The following RCAN1 variants were observed in gnomAD, a reference collection of about 807,000 sequenced individuals.
The protein encoded by RCAN1 is regulator of calcineurin 1, also known as calcipressin-1.
RCAN1 carries 11 observed loss-of-function variants against 22.9 expected under a neutral mutation model. That is an observed-to-expected ratio of 0.48 (90% CI 0.30 to 0.79). RCAN1 has a LOEUF of 0.79. Among genes scored for constraint, RCAN1 ranks in the 30% least tolerant of loss-of-function variants. RCAN1 has a pLI of 0.06. For missense variants in RCAN1, 291 were observed against 337.8 expected (o/e 0.86, Z 1.09); for synonymous variants, 136 against 142.3 (o/e 0.96, Z 0.32).
At chr21:34,606,783 A>G (rs1412785704) in intron 1 of RCAN1, among the ~76,000 whole-genome samples, 2 of 152,196 alleles carry the variant, frequency 1.3e-5, no homozygotes, top group South Asian at 4.1e-4. Flanking sequence ...GTAGGGACAC[A>G]GGGAGAAGGG....
intron 1 of RCAN1, among the ~76,000 whole-genome samples, chr21:34,595,702 G>C (rs1988125559): frequency 1.3e-5 from 2 of 152,192 alleles, no homozygotes; most frequent in African/African-American, 4.8e-5. Context: ...GCAGATTCAG[G>C]CATGCACACT....
chr21:34,579,493 A>G (rs1190132104), intron 1 of RCAN1, among the ~76,000 whole-genome samples: 5 of 152,188 alleles, frequency 3.3e-5, no homozygotes, highest in Non-Finnish European at 7.4e-5. Context: ...AATAAGCTCT[A>G]TAGGTGATTC....
chr21:34,564,978 T>C (rs1986949808), intron 1 of RCAN1, among the ~76,000 whole-genome samples: 1 of 152,134 alleles, frequency 6.6e-6, no homozygotes, highest in Non-Finnish European at 1.5e-5. Context: ...GACAGTAGGA[T>C]TGCTTGGGCC....
At chr21:34,595,499 T>C (rs1988116643) in intron 1 of RCAN1, among the ~76,000 whole-genome samples, 1 of 152,140 alleles carries the variant, frequency 6.6e-6, no homozygotes, top group Non-Finnish European at 1.5e-5. Context: ...CTGCTAAGAG[T>C]GTACAGACCC....
chr21:34,533,150 T>C (rs6517242), intron 1 of RCAN1, among the ~76,000 whole-genome samples: 88,755 of 150,864 alleles, frequency 0.59, 27,494 homozygotes, highest in African/African-American at 0.79. Flanking sequence ...TTAGTAGAGA[T>C]GGGGTTTCAC....
intron 1 of RCAN1, among the ~76,000 whole-genome samples, chr21:34,602,210 A>C (rs1233540824): frequency 6.6e-6 from 1 of 152,166 alleles, no homozygotes; most frequent in East Asian, 1.9e-4. Context: ...AAAGCTGAAG[A>C]TGCTCAGAAT....
intron 1 of RCAN1, among the ~76,000 whole-genome samples, chr21:34,594,509 G>A (rs778940135): frequency 6.6e-5 from 10 of 152,106 alleles, no homozygotes; most frequent in Non-Finnish European, 1.0e-4. Flanking sequence ...CCAAGATCGC[G>A]CCACTGCACT....
In RCAN1 at chr21:34,614,803, G is replaced by A. The variant is rs759643998; in HGVS notation, c.209C>T (p.Ala70Val). The change falls in exon 1 of 4, where the codon GCC becomes GTC. Residue 70 changes from alanine to valine, a missense_variant. Transcript: ENST00000313806. This position sits in a 1 kb window ranked among gnomAD's most constrained non-coding sequence, Gnocchi z 6.0. ...GAACACGCGCGGGTCCAGGTGACAG[G>A]CGATGGTGGCGCTGGGCAGGTCCTG... ...DLQDLPSATI[A>V]CHLDPRVFVD... is the part of the protein sequence containing the mutation. The A allele has an allele frequency of 1.3e-6, 2 of 1,484,052 alleles. No homozygotes were observed. Among genetic ancestry groups the A allele is most frequent in the East Asian group, 5.9e-5 (2 of 33,634 alleles). 91.9% of individuals were successfully genotyped at this position (1,484,052 alleles called of 1,614,324 possible).
chr21:34,614,104 G>A lies in RCAN1; in HGVS notation c.252+656C>T, dbSNP rs1988754456. 6.6e-6 allele frequency among the ~76,000 whole-genome samples: 1 copy of A among 152,154 alleles called. No homozygotes were observed. The highest frequency in any genetic ancestry group is 6.5e-5 in the Admixed American group (1 of 15,284). ...CGGGGGTGGGGGGAGGCGGGGGAAG[G>A]AGTCGACTCCCCATGTACTGGGTGT... On this transcript the variant is annotated intron_variant, in intron 1 of 3. Coordinates refer to ENST00000313806, the MANE Select transcript of RCAN1 (RefSeq NM_004414.7). The surrounding 1 kb of genome is among the most constrained non-coding windows in gnomAD (Gnocchi z 6.0).
chr21:34,594,058 T>C (rs912068760), intron 1 of RCAN1, among the ~76,000 whole-genome samples: 3 of 152,162 alleles, frequency 2.0e-5, no homozygotes, highest in Admixed American at 1.3e-4. Flanking sequence ...TGTTACATGA[T>C]GATGGATTAT....
At chr21:34,580,831 C>T (rs1987579814) in intron 1 of RCAN1, among the ~76,000 whole-genome samples, 1 of 152,224 alleles carries the variant, frequency 6.6e-6, no homozygotes, top group African/African-American at 2.4e-5. Flanking sequence ...TGTGATATCC[C>T]TCCTGGCCTT....
At chr21:34,602,889 T>A (rs1350222743) in intron 1 of RCAN1, among the ~76,000 whole-genome samples, 1 of 152,142 alleles carries the variant, frequency 6.6e-6, no homozygotes. Context: ...ATTTCAGTCA[T>A]CTTCAGGAGG....
At chr21:34,592,898 C>A (rs1988021564) in intron 1 of RCAN1, among the ~76,000 whole-genome samples, 1 of 152,150 alleles carries the variant, frequency 6.6e-6, no homozygotes, top group African/African-American at 2.4e-5. Flanking sequence ...GGTAAAGGAC[C>A]ACAGTGCTGG....
At chr21:34,570,549 T>C (rs552533549) in intron 1 of RCAN1, among the ~76,000 whole-genome samples, 136 of 152,334 alleles carry the variant, frequency 8.9e-4, no homozygotes, top group Non-Finnish European at 1.5e-3. Flanking sequence ...GTTTTCCACA[T>C]ATCCATGCTG....
chr21:34,614,067 G>T lies in RCAN1; in HGVS notation c.252+693C>A, dbSNP rs1244554197. ...CCTCACCCTCCAAAGTGTCTAAATT[G>T]TGTGGATTTTGCGGGGGTGGGGGGA... On this transcript the variant is annotated intron_variant, in intron 1 of 3. Transcript: ENST00000313806. The surrounding 1 kb of genome is among the most constrained non-coding windows in gnomAD (Gnocchi z 6.0). 6.6e-6 allele frequency among the ~76,000 whole-genome samples: 1 copy of T among 152,184 alleles called. No individual in the cohort carries two copies. Among genetic ancestry groups the T allele is most frequent in the Non-Finnish European group, 1.5e-5 (1 of 68,020 alleles).
chr21:34,600,942 G>A (rs1009723182), intron 1 of RCAN1, among the ~76,000 whole-genome samples: 6 of 152,206 alleles, frequency 3.9e-5, no homozygotes, highest in Non-Finnish European at 7.3e-5. Flanking sequence ...ACATGCACGT[G>A]TGTTCACAAA....
chr21:34,596,195 T>C (rs116235448), intron 1 of RCAN1, among the ~76,000 whole-genome samples: 3,658 of 152,288 alleles, frequency 0.024, 133 homozygotes, highest in African/African-American at 0.084. Flanking sequence ...GGAGCAGCAG[T>C]GCCAGGAAGA....
chr21:34,586,549 G>C (rs967128575), intron 1 of RCAN1, among the ~76,000 whole-genome samples: 3 of 152,222 alleles, frequency 2.0e-5, no homozygotes, highest in Admixed American at 6.5e-5. Flanking sequence ...GCCATACTTA[G>C]AGGTAAATTT....
chr21:34,611,911 C>G (rs1768284464), intron 1 of RCAN1, among the ~76,000 whole-genome samples: 2 of 152,156 alleles, frequency 1.3e-5, no homozygotes, highest in African/African-American at 4.8e-5. Flanking sequence ...AGCTATTTGC[C>G]CTCAGAGACT....
Sources: allele counts gnomAD v4.1 joint callset (sites outside exome capture counted in the v4.1 genomes callset), GRCh38; gene constraint gnomAD v4.1.1; non-coding constraint Gnocchi (gnomAD v3.1); transcripts MANE v1.5; gene names NCBI Gene and HGNC (gene_info 2026-07-23, HGNC 2026-07-21).